Variants in TSHZ3 observed in about 807,000 individuals in gnomAD.
TSHZ3 encodes the protein teashirt zinc finger homeobox 3.
Under a neutral mutation model 64.5 loss-of-function variants are expected in TSHZ3, and 10 were observed. The observed-to-expected ratio is 0.16, with a 90% CI of 0.10 to 0.26. The LOEUF (loss-of-function observed/expected upper bound fraction) is 0.26. Among genes scored for constraint, TSHZ3 ranks in the 10% least tolerant of loss-of-function variants. The pLI, the probability that TSHZ3 is intolerant of heterozygous loss-of-function variation, is 1.00. For missense variants in TSHZ3, 1,242 were observed against 1,421.7 expected, an observed-to-expected ratio of 0.87 and a Z score of 2.03; for synonymous variants, 608 against 593.1, an observed-to-expected ratio of 1.03 and a Z score of -0.36.
At chr19:31,333,032 G>A (rs1917137179) in intron 1 of TSHZ3, among the ~76,000 whole-genome samples, 1 of 151,992 alleles carries the variant, frequency 6.6e-6, no homozygotes, top group African/African-American at 2.4e-5. Flanking sequence ...CTGAGCCCAA[G>A]GAGGTCGAGG....
chr19:31,221,449 C>T (rs1975393823), intron 4 of TSHZ3, among the ~76,000 whole-genome samples: 1 of 152,202 alleles, frequency 6.6e-6, no homozygotes, highest in Non-Finnish European at 1.5e-5. Flanking sequence ...CTCCTTATGT[C>T]AAATTGGTGG....
chr19:31,264,887 A>G (rs1314839192), intron 1 of TSHZ3, among the ~76,000 whole-genome samples: 2 of 152,180 alleles, frequency 1.3e-5, no homozygotes, highest in African/African-American at 4.8e-5. Context: ...GTCTGCAGCC[A>G]TAACAGGGTA....
At chr19:31,263,049 G>A (rs1489454045) in intron 1 of TSHZ3, among the ~76,000 whole-genome samples, 10 of 152,164 alleles carry the variant, frequency 6.6e-5, no homozygotes, top group Admixed American at 3.3e-4. Context: ...TGATGGCAGT[G>A]CTGGCACGGA....
In TSHZ3 at chr19:31,228,795, G is replaced by T. The variant is rs1319204228; in HGVS notation, n.551-655C>A. ...GCCTGCACAGAAGGATTGTACATGG[G>T]TCAGTGACTGCAGGGTCATTTGTAG... On this transcript the variant is annotated intron_variant and non_coding_transcript_variant, in intron 3 of 6. Coordinates refer to the TSHZ3 transcript ENST00000651361. Among the ~76,000 whole-genome samples, 3 of 152,276 alleles carry T rather than the reference G, an allele frequency of 2.0e-5. No individual in the cohort carries two copies. The East Asian group carries it at 5.8e-4, about 29-fold the overall frequency.
At chr19:31,218,216 A>G (rs1203534297) in intron 4 of TSHZ3, among the ~76,000 whole-genome samples, 2 of 152,232 alleles carry the variant, frequency 1.3e-5, no homozygotes, top group African/African-American at 4.8e-5. Context: ...AGAATAAACA[A>G]TCCAGCTTAA....
In TSHZ3 at chr19:31,279,186, G is replaced by A. The variant is rs762029122; in HGVS notation, c.607C>T (p.Leu203Phe). The change falls in exon 2 of 2, where the codon CTC becomes TTC. Residue 203 changes from leucine to phenylalanine, a missense_variant. Transcript: ENST00000240587. The surrounding 1 kb of genome is among the most constrained non-coding windows in gnomAD (Gnocchi z 6.4). ...TVQLYRQSSK[L>F]YGSIFTGASK... Reference sequence around the variant, plus strand: ...GCCCCCGTGAAGATGGAGCCATAGAGCTTGCTGCTCTGCCGGTACAGCTGC... The same window carrying A: ...GCCCCCGTGAAGATGGAGCCATAGAACTTGCTGCTCTGCCGGTACAGCTGC... The A allele has an allele frequency of 1.2e-6, 2 of 1,613,870 alleles. No homozygotes were observed. Among genetic ancestry groups the A allele is most frequent in the Non-Finnish European group, 1.7e-6 (2 of 1,179,774 alleles).
At chr19:31,198,838 G>T (rs1234687202) in intron 5 of TSHZ3, among the ~76,000 whole-genome samples, 1 of 152,160 alleles carries the variant, frequency 6.6e-6, no homozygotes, top group Non-Finnish European at 1.5e-5. Context: ...ATATTGTGAA[G>T]ATTTCACCTA....
Position 31,236,966 on chromosome 19 carries a change from C to T in TSHZ3, n.550+5303G>A, listed in dbSNP as rs571201719. Among the ~76,000 whole-genome samples, 5 of 152,224 alleles carry T rather than the reference C, an allele frequency of 3.3e-5. No homozygotes were observed. The South Asian group carries it at 8.3e-4, about 25-fold the overall frequency. The stretch of plus-strand genomic sequence containing the variant: ...GAGTTTGAGACCAGCCTGGCCAACA[C>T]GGTGAAACCCCGTCTCTACTAAAAA... On this transcript the variant is annotated intron_variant and non_coding_transcript_variant, in intron 3 of 6. Transcript: ENST00000651361.
chr19:31,265,272 C>A (rs1382429111), intron 1 of TSHZ3, among the ~76,000 whole-genome samples: 1 of 151,556 alleles, frequency 6.6e-6, no homozygotes, highest in Admixed American at 6.6e-5. Flanking sequence ...TGGTCCATGC[C>A]TGTAATCCCA....
In TSHZ3 at chr19:31,277,078, G is replaced by T. The variant is rs1976251640; in HGVS notation, c.2715C>A (p.Ile905=). ...GGCTGGCGGCAAACTGGGCCTGGAG[G>T]ATCAGGAGGTGCTGGGGGTTCCAGT... is the stretch of plus-strand genomic sequence containing the variant. The part of the protein sequence containing the change: ...QSNWNPQHLL[I]LQAQFAASLR... Residue 905 remains isoleucine, a synonymous_variant, in exon 2 of 2, where the codon ATC becomes ATA. Transcript: ENST00000240587. The surrounding 1 kb of genome is among the most constrained non-coding windows in gnomAD (Gnocchi z 4.5). 1 of 1,607,716 alleles carries T rather than the reference G, an allele frequency of 6.2e-7. No homozygotes were observed. Among genetic ancestry groups the T allele is most frequent in the Non-Finnish European group, 8.5e-7 (1 of 1,176,128 alleles).
At chr19:31,272,146 C>T (rs1348091210), downstream of TSHZ3, among the ~76,000 whole-genome samples, 2 of 152,178 alleles carry the variant, frequency 1.3e-5, no homozygotes, top group Non-Finnish European at 2.9e-5. Flanking sequence ...TTCGATGCAG[C>T]CTGGCTTCCC....
chr19:31,278,056 G>A lies in TSHZ3; in HGVS notation c.1737C>T (p.Asn579=), dbSNP rs185227486. 6.2e-7 allele frequency: 1 copy of A among 1,613,730 alleles called. No individual in the cohort carries two copies. Among genetic ancestry groups the A allele is most frequent in the East Asian group, 2.2e-5 (1 of 44,844 alleles). ...KSTPLKPMFG[N]SEIVSPTKNQ... is the part of the protein sequence containing the mutation. ...TTTTCGTCGGGGAGACAATCTCACT[G>A]TTGCCAAACATGGGTTTCAGGGGCG... The change falls in exon 2 of 2, where the codon AAC becomes AAT. Residue 579 remains asparagine (N), a synonymous_variant. Transcript: ENST00000240587. The surrounding 1 kb of genome is among the most constrained non-coding windows in gnomAD (Gnocchi z 4.7).
intron 1 of TSHZ3, among the ~76,000 whole-genome samples, chr19:31,251,339 C>A (rs1196897366): frequency 1.3e-5 from 2 of 152,180 alleles, no homozygotes; most frequent in Non-Finnish European, 2.9e-5. Flanking sequence ...GAAGCTGAAA[C>A]CCAGAGGATA....
At chr19:31,245,374 G>C (rs1234856083) in intron 1 of TSHZ3, among the ~76,000 whole-genome samples, 1 of 152,038 alleles carries the variant, frequency 6.6e-6, no homozygotes, top group Non-Finnish European at 1.5e-5. Context: ...AAAAAGATAG[G>C]GGGGCTATTG....
rs903932 is a variant in TSHZ3, at chr19:31,330,708, G to C, written c.40+18472C>G. On this transcript the variant is annotated intron_variant, in intron 1 of 1. Transcript: ENST00000240587. ...GAGCCAAGTGCTGTTTAATCCTTGG[G>C]CGGGGGGAGGAAAGTCCAGAACACC... Among the ~76,000 whole-genome samples, 46 of 148,328 alleles carry C rather than the reference G, an allele frequency of 3.1e-4. 1 individual carries two copies. Among genetic ancestry groups the C allele is most frequent in the East Asian group, 1.8e-3 (9 of 4,896 alleles).
chr19:31,306,466 C>T (rs1599638324), intron 1 of TSHZ3, among the ~76,000 whole-genome samples: 2 of 152,154 alleles, frequency 1.3e-5, no homozygotes, highest in African/African-American at 4.8e-5. Context: ...CTTTTAAGAG[C>T]CAAGCAAAGG....
intron 1 of TSHZ3, among the ~76,000 whole-genome samples, chr19:31,286,356 T>C (rs1976464726): frequency 6.6e-6 from 1 of 152,086 alleles, no homozygotes; most frequent in Non-Finnish European, 1.5e-5. Context: ...CCCAACAACC[T>C]TGGAAGCCCA....
chr19:31,314,892 G>C (rs541489896), intron 1 of TSHZ3, among the ~76,000 whole-genome samples: 2 of 152,298 alleles, frequency 1.3e-5, no homozygotes, highest in South Asian at 4.1e-4. Context: ...CCAGGCTCCT[G>C]AGACACTGGA....
chr19:31,229,094 T>C (rs2145174281), intron 3 of TSHZ3, among the ~76,000 whole-genome samples: 1 of 152,282 alleles, frequency 6.6e-6, no homozygotes, highest in East Asian at 1.9e-4. Flanking sequence ...GCATGCATGT[T>C]CCTGAAAGAG....
Sources: gnomAD v4.1 joint callset for allele counts (sites outside exome capture counted in the v4.1 genomes callset) on GRCh38, gnomAD v4.1.1 for gene constraint, Gnocchi (gnomAD v3.1) non-coding constraint, MANE v1.5 for transcripts, NCBI Gene and HGNC (gene_info 2026-07-23, HGNC 2026-07-21) for gene names.